Variants in PLCH1 observed in about 807,000 individuals in gnomAD.
PLCH1 encodes 1-phosphatidylinositol 4,5-bisphosphate phosphodiesterase eta-1.
A neutral mutation model predicts 126.7 loss-of-function variants in PLCH1; 60 were observed. The ratio of observed to expected loss-of-function variants is 0.47; its 90% CI spans 0.38 to 0.59. The LOEUF (loss-of-function observed/expected upper bound fraction) is 0.59. Ranked by LOEUF, PLCH1 falls within the 20% of genes least tolerant of loss-of-function variation. PLCH1 has a pLI of 0.00. For synonymous variants in PLCH1, 719 were observed against 734.9 expected (o/e 0.98, Z 0.35); for missense variants, 1,723 against 2,040.0 (o/e 0.84, Z 2.99).
At chr3:155,686,057 A>G (rs1235307452) in intron 2 of PLCH1, among the ~76,000 whole-genome samples, 1 of 152,204 alleles carries the variant, frequency 6.6e-6, no homozygotes, top group Non-Finnish European at 1.5e-5. Context: ...TAATTATACC[A>G]TGGGGCAAAG....
chr3:155,575,642 A>G (rs1458389309), intron 6 of PLCH1, among the ~76,000 whole-genome samples: 1 of 152,180 alleles, frequency 6.6e-6, no homozygotes, highest in African/African-American at 2.4e-5. Flanking sequence ...TTGCTCTTAG[A>G]TAACAGCTAG....
intron 12 of PLCH1, among the ~76,000 whole-genome samples, chr3:155,512,379 C>A (rs1489228251): frequency 1.3e-5 from 2 of 152,154 alleles, no homozygotes; most frequent in East Asian, 1.9e-4. Context: ...TCTCTCCCTA[C>A]TGGGCTTGCA....
Position 155,485,421 on chromosome 3 carries a change from A to G in PLCH1, c.2909T>C (p.Leu970Pro), listed in dbSNP as rs1560051184. 1.9e-6 allele frequency: 3 copies of G among 1,611,778 alleles called. No homozygotes were observed. The highest frequency in any genetic ancestry group is 1.7e-6 in the Non-Finnish European group (2 of 1,177,936). ...AGATACAGGCAGCGACAAAGCTCCC[A>G]GAAGGTTTCTGTCAACAGGCATAGA... ...PVSMPVDRNL[L>P]GALSLPVSET... The change falls in exon 22 of 23, where the codon CTG (leucine) becomes CCG (proline). Residue 970 changes from leucine (L) to proline (P), a missense_variant. Physicochemically the swap from Leu to Pro is moderately conservative, Grantham distance 98. Transcript: ENST00000460012.
chr3:155,726,119 T>A (rs1453976443), intron 1 of PLCH1, among the ~76,000 whole-genome samples: 1 of 152,246 alleles, frequency 6.6e-6, no homozygotes, highest in African/African-American at 2.4e-5. Context: ...TGTTACTAGT[T>A]CCCACTGAAT....
rs114587281 is a variant in PLCH1, at chr3:155,453,797, T to C, written c.2938+31559A>G. On this transcript the variant is annotated intron_variant, in intron 21 of 21. Coordinates refer to the PLCH1 transcript ENST00000494598. ...TTAATTTCTGATAATAAATTATAAATATGTATTTATCTATAGATAAATATA... is the reference window on the plus strand; with the variant it reads ...TTAATTTCTGATAATAAATTATAAACATGTATTTATCTATAGATAAATATA... Among the ~76,000 whole-genome samples the C allele has an allele frequency of 3.6e-3, 539 of 151,450 alleles. 5 individuals are homozygous for C. Among genetic ancestry groups the C allele is most frequent in the African/African-American group, 0.012 (477 of 41,464 alleles).
At chr3:155,452,738 GC>G (rs1180949237) in intron 21 of PLCH1, among the ~76,000 whole-genome samples, 1 of 152,042 alleles carries the variant, frequency 6.6e-6, no homozygotes, top group Non-Finnish European at 1.5e-5. Flanking sequence ...ATGTCAATGG[GC>G]AAAATGATGA....
At chr3:155,730,391 C>T (rs1748684583) in intron 1 of PLCH1, among the ~76,000 whole-genome samples, 1 of 151,978 alleles carries the variant, frequency 6.6e-6, no homozygotes, top group Admixed American at 6.6e-5. Context: ...AAGTGATTCT[C>T]ATGTCTCAGC....
chr3:155,696,361 T>C (rs1421962064), intron 2 of PLCH1, among the ~76,000 whole-genome samples: 1 of 152,110 alleles, frequency 6.6e-6, no homozygotes, highest in Non-Finnish European at 1.5e-5. Flanking sequence ...GGTTTCATGA[T>C]TACAAACACA....
At chr3:155,734,535 T>C (rs1434931306) in intron 1 of PLCH1, among the ~76,000 whole-genome samples, 1 of 152,080 alleles carries the variant, frequency 6.6e-6, no homozygotes, top group African/African-American at 2.4e-5. Context: ...CTACTGGGTA[T>C]GTATCCAAAG....
chr3:155,458,968 C>T (rs180892532), intron 21 of PLCH1, among the ~76,000 whole-genome samples: 11 of 152,318 alleles, frequency 7.2e-5, no homozygotes, highest in African/African-American at 2.2e-4. Flanking sequence ...AAGCTATCCC[C>T]TTCTGCTGTC....
chr3:155,498,511 C>T (rs1242681646), intron 14 of PLCH1, among the ~76,000 whole-genome samples: 1 of 152,118 alleles, frequency 6.6e-6, no homozygotes, highest in African/African-American at 2.4e-5. Flanking sequence ...CCCACTGTGA[C>T]CCAGTTAGGG....
chr3:155,497,046 T>C (rs1717142479), intron 15 of PLCH1, among the ~76,000 whole-genome samples: 1 of 152,220 alleles, frequency 6.6e-6, no homozygotes, highest in South Asian at 2.1e-4. Context: ...GATCTTGCCC[T>C]GAGGCACTTG....
intron 2 of PLCH1, among the ~76,000 whole-genome samples, chr3:155,633,080 T>C (rs913006347): frequency 2.0e-5 from 3 of 152,086 alleles, no homozygotes; most frequent in South Asian, 2.1e-4. Context: ...TAAATCCTAT[T>C]GCAGGGGCTG....
At chr3:155,659,903 G>C (rs771282597) in intron 2 of PLCH1, among the ~76,000 whole-genome samples, 1 of 152,028 alleles carries the variant, frequency 6.6e-6, no homozygotes, top group Non-Finnish European at 1.5e-5. Flanking sequence ...AAAAGCATTG[G>C]GATTACAAGC....
At chr3:155,708,157 C>T (rs1477915895) in intron 1 of PLCH1, among the ~76,000 whole-genome samples, 1 of 152,162 alleles carries the variant, frequency 6.6e-6, no homozygotes, top group Non-Finnish European at 1.5e-5. Flanking sequence ...CCAAGTTACA[C>T]CCAGGCCAAT....
chr3:155,543,629 A>G (rs1724736797), intron 10 of PLCH1, among the ~76,000 whole-genome samples: 1 of 152,212 alleles, frequency 6.6e-6, no homozygotes, highest in Admixed American at 6.5e-5. Flanking sequence ...TGTTAAGGGC[A>G]GCCAGAGAGA....
intron 10 of PLCH1, among the ~76,000 whole-genome samples, chr3:155,524,511 T>C (rs566260831): frequency 1.3e-5 from 2 of 152,308 alleles, no homozygotes; most frequent in African/African-American, 2.4e-5. Flanking sequence ...AAAATCATTT[T>C]TGAAAAGTAA....
intron 2 of PLCH1, among the ~76,000 whole-genome samples, chr3:155,627,136 A>AAGATTATG (rs1248128941): frequency 1.3e-5 from 2 of 152,234 alleles, no homozygotes; most frequent in South Asian, 2.1e-4. Context: ...GGCTAATACC[A>AAGATTATG]AGATTATGAA....
intron 2 of PLCH1, among the ~76,000 whole-genome samples, chr3:155,655,812 A>G (rs1400177289): frequency 6.6e-6 from 1 of 152,240 alleles, no homozygotes; most frequent in Non-Finnish European, 1.5e-5. Context: ...CTAGTAAACC[A>G]AAGAAAGCAT....
Sources: allele counts gnomAD v4.1 joint callset (sites outside exome capture counted in the v4.1 genomes callset), GRCh38; gene constraint gnomAD v4.1.1; transcripts MANE v1.5; gene names NCBI Gene and HGNC (gene_info 2026-07-23, HGNC 2026-07-21).